The following ATAD3B variants were observed in gnomAD, a reference collection of about 807,000 sequenced individuals.
ATAD3B encodes the protein ATPase family AAA domain-containing protein 3B.
A neutral mutation model predicts 70.2 loss-of-function variants in ATAD3B; 59 were observed. The ratio of observed to expected loss-of-function variants is 0.84; its 90% CI spans 0.68 to 1.04. The LOEUF (loss-of-function observed/expected upper bound fraction) is 1.04, where lower values mean the gene tolerates loss of function less well. Among genes scored for constraint, ATAD3B ranks in the 50% least tolerant of loss-of-function variants. The pLI is 0.00. For synonymous variants in ATAD3B, 423 were observed against 388.6 expected (o/e 1.09, Z -1.04); for missense variants, 961 against 913.4 (o/e 1.05, Z -0.67).
intron 12 of ATAD3B, 107 bp from the exon 13 acceptor site, chr1:1,489,097 T>C (rs1166264706): frequency 3.2e-6 from 5 of 1,563,058 alleles, no homozygotes; most frequent in Admixed American, 1.8e-5. Flanking sequence ...CATGAAAGTG[T>C]CGCCACGTCC....
Position 1,478,240 on chromosome 1 carries a change from A to G in ATAD3B, c.283-404A>G, listed in dbSNP as rs1354115734. On this transcript the variant is annotated intron_variant, in intron 2 of 15. Transcript: ENST00000673477. ...TTGAACTCCTGACCTCAGGTGATCCAGCCACTTTGGCCTCACAAAGTGCTG... is the reference window on the plus strand; with the variant it reads ...TTGAACTCCTGACCTCAGGTGATCCGGCCACTTTGGCCTCACAAAGTGCTG... 1.9e-5 allele frequency: 10 copies of G among 536,108 alleles called. 1 individual carries two copies. Among genetic ancestry groups the G allele is most frequent in the Non-Finnish European group, 3.2e-5 (10 of 314,486 alleles). 33.2% of individuals were successfully genotyped at this position (536,108 alleles called of 1,614,324 possible).
Position 1,486,003 on chromosome 1 carries a change from C to A in ATAD3B, c.964-107C>A. 4 of 1,591,558 alleles carry A rather than the reference C, an allele frequency of 2.5e-6. No homozygotes were observed. The South Asian group carries it at 3.4e-5, about 13-fold the overall frequency. ...ATAGATAGGCTGCCCACGAGCTGGG[C>A]GGCTTCCTGAGGAGCAGAGTCCGCA... On this transcript the variant is annotated intron_variant, in intron 9 of 15. Coordinates refer to ENST00000673477, the MANE Select transcript of ATAD3B (RefSeq NM_031921.6).
chr1:1,495,423 GC>G (rs1640732802), intron 15 of ATAD3B, 61 bp from the exon 16 acceptor site: 1 of 1,536,360 alleles, frequency 6.5e-7, no homozygotes, highest in African/African-American at 1.4e-5. Flanking sequence ...CGGGGCCCTG[GC>G]GTGCATTAAG....
At chr1:1,493,290 A>G (rs1640627167) in intron 15 of ATAD3B, among the ~76,000 whole-genome samples, 1 of 151,942 alleles carries the variant, frequency 6.6e-6, no homozygotes, top group Non-Finnish European at 1.5e-5. Flanking sequence ...TATGTGGAAT[A>G]GAAGTGGTCA....
At chr1:1,475,174 CTG>C (rs1046506666) in intron 1 of ATAD3B, among the ~76,000 whole-genome samples, 5 of 149,878 alleles carry the variant, frequency 3.3e-5, no homozygotes, top group African/African-American at 5.0e-5. Context: ...TCTGCCCTCT[CTG>C]TGGTGGAGCG....
the ATAD3B span, among the ~76,000 whole-genome samples, chr1:1,508,015 G>T: frequency 2.6e-5 from 4 of 152,194 alleles, no homozygotes. Flanking sequence ...GCCAGGTCCC[G>T]TGCTTCCCAG....
Position 1,497,518 on chromosome 1 carries a change from C to T in ATAD3B, c.*1701C>T, listed in dbSNP as rs1016650821. ...GCCACCAAGCCTGGCCTCAATTCCT[C>T]TTTAAAGGAATTGCCTAAATCTTAA... is the stretch of plus-strand genomic sequence containing the variant. On this transcript the variant is annotated 3_prime_UTR_variant, in exon 16 of 16. Coordinates refer to ENST00000673477, the MANE Select transcript of ATAD3B (RefSeq NM_031921.6). 1.4e-4 allele frequency: 21 copies of T among 150,500 alleles called. No homozygotes were observed. Among genetic ancestry groups the T allele is most frequent in the African/African-American group, 4.7e-4 (19 of 40,596 alleles). 9.3% of individuals were successfully genotyped at this position (150,500 alleles called of 1,614,324 possible).
intron 1 of ATAD3B, 21 bp from the exon 2 acceptor site, chr1:1,477,253 C>T (rs773571251): frequency 2.5e-6 from 4 of 1,611,684 alleles, no homozygotes; most frequent in Non-Finnish European, 3.4e-6. Context: ...CACCTGCTCT[C>T]CGTGCCACAT....
Position 1,490,661 on chromosome 1 carries a change from T to C in ATAD3B, c.1604T>C (p.Val535Ala). The change falls in exon 15 of 16, where the codon GTG (valine) becomes GCG (alanine). Residue 535 changes from valine (V) to alanine (A), a missense_variant. Physicochemically the swap from Val to Ala is moderately conservative, Grantham distance 64 (BLOSUM62 0). Transcript: ENST00000673477. ...GGCCGGGAGATCGCTCAGCTGGCCG[T>C]GTCCTGGCAGGTGAGTCAGGCTCCG... The part of the protein sequence containing the change: ...MSGREIAQLA[V>A]SWQATAYASK... The C allele has an allele frequency of 6.3e-7, 1 of 1,591,254 alleles. No individual in the cohort carries two copies. The highest frequency in any genetic ancestry group is 1.7e-4 in the Middle Eastern group (1 of 6,022).
downstream of ATAD3B, among the ~76,000 whole-genome samples, chr1:1,500,396 C>T (rs1038630719): frequency 4.8e-5 from 7 of 147,330 alleles, no homozygotes; most frequent in South Asian, 4.3e-4. Flanking sequence ...ACTAAAAATA[C>T]AAAAAAATAG....
At chr1:1,481,053 C>T (rs1639887042) in intron 5 of ATAD3B, 117 bp downstream of exon 5, 9 of 1,501,958 alleles carry the variant, frequency 6.0e-6, no homozygotes, top group South Asian at 3.8e-5. Flanking sequence ...GTGCAGTGGG[C>T]GAGGCCTGCT....
At chr1:1,503,569 C>T in the ATAD3B span, 16 of 1,605,838 alleles carry the variant, frequency 1.0e-5, no homozygotes, top group Non-Finnish European at 1.3e-5. Flanking sequence ...GCCCTCTGTG[C>T]CCCTGTGCCT....
downstream of ATAD3B, among the ~76,000 whole-genome samples, chr1:1,502,506 CA>C (rs1335125111): frequency 2.7e-3 from 304 of 113,696 alleles, 30 homozygotes; most frequent in African/African-American, 0.012. Context: ...CCGTGCCCAG[CA>C]TTTTTTTTTT....
intron 15 of ATAD3B, among the ~76,000 whole-genome samples, chr1:1,494,769 G>A (rs1640699569): frequency 6.6e-6 from 1 of 150,928 alleles, no homozygotes; most frequent in African/African-American, 2.5e-5. Flanking sequence ...AGGGTCCCCT[G>A]CCCTGTGCTT....
rs544884479 is a variant in ATAD3B, at chr1:1,482,220, C to T, written c.597C>T (p.Ala199=). 7.4e-6 allele frequency: 12 copies of T among 1,611,164 alleles called. No individual in the cohort carries two copies. Among genetic ancestry groups the T allele is most frequent in the South Asian group, 5.5e-5 (5 of 90,910 alleles). ...VETEARARAK[A]ERENADIIRE... is the part of the protein sequence containing the mutation. The stretch of plus-strand genomic sequence containing the variant: ...CCGAGGCCCGGGCGCGCGCCAAGGC[C>T]GAGCGGGAGAATGCAGACATCATCC... The change falls in exon 6 of 16, where the codon GCC becomes GCT. Residue 199 remains alanine (A), a synonymous_variant. Transcript: ENST00000673477.
intron 1 of ATAD3B, among the ~76,000 whole-genome samples, chr1:1,476,911 A>G (rs1481967409): frequency 6.6e-6 from 1 of 151,970 alleles, no homozygotes; most frequent in African/African-American, 2.4e-5. Flanking sequence ...GGTTCCAGCA[A>G]TTCTCCAGCC....
chr1:1,505,655 G>A, the ATAD3B span, among the ~76,000 whole-genome samples: 1 of 152,142 alleles, frequency 6.6e-6, no homozygotes, highest in Non-Finnish European at 1.5e-5. Flanking sequence ...GAGCCCTCTG[G>A]TGGCCCTGTC....
chr1:1,476,044 G>C (rs1639571067), intron 1 of ATAD3B, among the ~76,000 whole-genome samples: 1 of 144,662 alleles, frequency 6.9e-6, no homozygotes, highest in South Asian at 2.3e-4. Flanking sequence ...GAGTGGTTGA[G>C]AGCCCGGGGT....
chr1:1,487,883 A>G lies in ATAD3B; in HGVS notation c.1235A>G (p.Glu412Gly), dbSNP rs1216007216. The change falls in exon 12 of 16, where the codon GAA becomes GGA. Residue 412 changes from glutamate (E) to glycine (G), a missense_variant. This residue lies in a region of ATAD3B where 417 missense variants were observed against 335.0 expected (regional missense o/e 1.24). Coordinates refer to ENST00000673477, the MANE Select transcript of ATAD3B (RefSeq NM_031921.6). ...SRRGLLLFMDEADAFLRKRAT... is the reference protein window; with the variant it reads ...SRRGLLLFMDGADAFLRKRAT... ...CACAGCCTCCTGCTCTTCATGGATG[A>G]AGCAGACGCCTTCCTTCGGAAGCGA... 6.2e-7 allele frequency: 1 copy of G among 1,613,100 alleles called. No individual in the cohort carries two copies. The highest frequency in any genetic ancestry group is 1.1e-5 in the South Asian group (1 of 91,010).
Sources: gnomAD v4.1 joint callset for allele counts (sites outside exome capture counted in the v4.1 genomes callset) on GRCh38, gnomAD v4.1.1 for gene constraint, gnomAD v4.1.1 regional missense constraint, MANE v1.5 for transcripts, NCBI Gene and HGNC (gene_info 2026-07-23, HGNC 2026-07-21) for gene names.